CAMK1D: variants seen among roughly 807,000 people sequenced by gnomAD.
CAMK1D encodes the protein calcium/calmodulin-dependent protein kinase type 1D.
Under a neutral mutation model 47.7 loss-of-function variants are expected in CAMK1D, and 9 were observed. That is an observed-to-expected ratio of 0.19 (90% CI 0.11 to 0.33). The LOEUF (loss-of-function observed/expected upper bound fraction) is 0.33. Among genes scored for constraint, CAMK1D ranks in the 10% least tolerant of loss-of-function variants. The probability of loss-of-function intolerance (pLI) is 1.00; values close to 1 mark genes in which losing one functional copy is unlikely to be tolerated. For synonymous variants in CAMK1D, 184 were observed against 184.9 expected, an observed-to-expected ratio of 0.99 and a Z score of 0.04; for missense variants, 291 against 488.7, an observed-to-expected ratio of 0.60 and a Z score of 3.81.
intron 1 of CAMK1D, among the ~76,000 whole-genome samples, chr10:12,386,030 G>GC (rs1169895023): frequency 6.6e-6 from 1 of 152,196 alleles, no homozygotes; most frequent in African/African-American, 2.4e-5. Context: ...ACAGGCGTGA[G>GC]CCACTGTGTC....
chr10:12,826,494 C>T (rs1287393610), intron 10 of CAMK1D, among the ~76,000 whole-genome samples: 1 of 152,002 alleles, frequency 6.6e-6, no homozygotes, highest in Non-Finnish European at 1.5e-5. Context: ...ATTCCATCAT[C>T]GAAGGCACAC....
intron 3 of CAMK1D, among the ~76,000 whole-genome samples, chr10:12,694,693 T>C (rs1318167683): frequency 2.7e-5 from 4 of 149,730 alleles, no homozygotes; most frequent in Non-Finnish European, 5.9e-5. Flanking sequence ...ACTCCTAAAC[T>C]GCCATAGAGG....
intron 3 of CAMK1D, among the ~76,000 whole-genome samples, chr10:12,712,824 C>T (rs1402388134): frequency 6.6e-6 from 1 of 152,086 alleles, no homozygotes; most frequent in Non-Finnish European, 1.5e-5. Context: ...TATTATCTCC[C>T]CCGCCTACAC....
intron 1 of CAMK1D, among the ~76,000 whole-genome samples, chr10:12,470,818 T>G (rs1833723444): frequency 1.3e-5 from 2 of 152,086 alleles, no homozygotes; most frequent in Non-Finnish European, 2.9e-5. Context: ...TGCCCGGTCG[T>G]GTGTGGTTTT....
chr10:12,351,651 G>A (rs930527851), intron 1 of CAMK1D, among the ~76,000 whole-genome samples: 1 of 152,206 alleles, frequency 6.6e-6, no homozygotes, highest in African/African-American at 2.4e-5. Context: ...CTGCAGTGGC[G>A]GGGCTGCTGA....
chr10:12,403,375 T>A (rs551979780), intron 1 of CAMK1D, among the ~76,000 whole-genome samples: 28 of 152,262 alleles, frequency 1.8e-4, no homozygotes, highest in African/African-American at 6.7e-4. Context: ...CTTGGGTGAG[T>A]CCTCGCTCCG....
At chr10:12,377,028 T>C (rs1838204401) in intron 1 of CAMK1D, among the ~76,000 whole-genome samples, 1 of 152,180 alleles carries the variant, frequency 6.6e-6, no homozygotes, top group African/African-American at 2.4e-5. Context: ...CCCAAAGTGC[T>C]GGGATTACAG....
intron 6 of CAMK1D, among the ~76,000 whole-genome samples, chr10:12,797,993 G>A (rs1180527286): frequency 3.3e-5 from 5 of 152,146 alleles, no homozygotes; most frequent in African/African-American, 9.7e-5. Context: ...TAGATGGTGA[G>A]GGGAGCAACT....
At chr10:12,814,371 AC>A (rs1280413517) in intron 7 of CAMK1D, 64 bp downstream of exon 7, 1 of 1,031,074 alleles carries the variant, frequency 9.7e-7, no homozygotes, top group African/African-American at 1.6e-5. Context: ...AGACCACGTG[AC>A]CCTGACAGGC....
In CAMK1D at chr10:12,748,355, G is replaced by A. The variant is rs529352711; in HGVS notation, c.300-12593G>A. On this transcript the variant is annotated intron_variant, in intron 3 of 10. Transcript: ENST00000619168. ...GGGGAAAAATGCATGAAACTCATGCGGTTGCAGGCATGAGCCAGGGACTTG... is the reference window on the plus strand; with the variant it reads ...GGGGAAAAATGCATGAAACTCATGCAGTTGCAGGCATGAGCCAGGGACTTG... Among the ~76,000 whole-genome samples, 9 of 152,304 alleles carry A rather than the reference G, an allele frequency of 5.9e-5. No homozygotes were observed. In the East Asian group the frequency reaches 1.7e-3, roughly 29 times the overall value.
intron 1 of CAMK1D, among the ~76,000 whole-genome samples, chr10:12,505,075 A>G (rs959047446): frequency 6.6e-6 from 1 of 152,108 alleles, no homozygotes; most frequent in African/African-American, 2.4e-5. Context: ...AGTTCTTGGC[A>G]TTTTCCTCCC....
At chr10:12,603,376 C>T (rs953853875) in intron 2 of CAMK1D, among the ~76,000 whole-genome samples, 10 of 152,184 alleles carry the variant, frequency 6.6e-5, no homozygotes, top group African/African-American at 2.2e-4. Flanking sequence ...AGGTCAACCC[C>T]GCCTCCCACC....
chr10:12,719,932 G>A (rs1173118387), intron 3 of CAMK1D, among the ~76,000 whole-genome samples: 6 of 152,210 alleles, frequency 3.9e-5, no homozygotes, highest in Non-Finnish European at 8.8e-5. Context: ...GCACACAGAA[G>A]AATTACCTGA....
chr10:12,628,063 A>G (rs1032138123), intron 2 of CAMK1D, among the ~76,000 whole-genome samples: 2 of 151,608 alleles, frequency 1.3e-5, no homozygotes, highest in African/African-American at 4.8e-5. Context: ...CCTGGGCGAC[A>G]GAGCAAGACT....
chr10:12,702,807 C>T (rs1325062195), intron 3 of CAMK1D, among the ~76,000 whole-genome samples: 1 of 152,164 alleles, frequency 6.6e-6, no homozygotes, highest in East Asian at 1.9e-4. Flanking sequence ...ATGAGAGGGG[C>T]ACATTGTCCC....
chr10:12,718,545 A>G (rs891193147), intron 3 of CAMK1D, among the ~76,000 whole-genome samples: 1 of 152,224 alleles, frequency 6.6e-6, no homozygotes, highest in Non-Finnish European at 1.5e-5. Flanking sequence ...GGGGAAATAA[A>G]TGGACTTTTC....
At chr10:12,562,354 G>A (rs11257891) in intron 2 of CAMK1D, among the ~76,000 whole-genome samples, 38,678 of 152,072 alleles carry the variant, frequency 0.25, 5,060 homozygotes, top group Middle Eastern at 0.29. Flanking sequence ...TAGCACTGCT[G>A]CATTGAGGAT....
rs1554786375 is a variant in CAMK1D, at chr10:12,547,682, T to TCACACACACACACACACACACA, written c.93-5524_93-5523insACACACACACACACACACACAC. Among the ~76,000 whole-genome samples, 41 of 116,528 alleles carry TCACACACACACACACACACACA rather than the reference T, an allele frequency of 3.5e-4. No homozygotes were observed. The South Asian group carries it at 5.3e-3, about 15-fold the overall frequency. The allele number at this position is 116,528 out of a possible 152,430, so 76.4% of individuals were successfully genotyped here. ...CACTCTCTCTCTCTCTTTCTCTCTC[T>TCACACACACACACACACACACA]CACACACACACACACACACCACTGT... is the stretch of plus-strand genomic sequence containing the variant. On this transcript the variant is annotated intron_variant, in intron 1 of 10. Coordinates refer to ENST00000619168, the MANE Select transcript of CAMK1D (RefSeq NM_153498.4).
intron 2 of CAMK1D, chr10:12,653,138 G>T (rs2132516782): frequency 6.5e-6 from 1 of 154,488 alleles, no homozygotes; most frequent in South Asian, 2.0e-4. Flanking sequence ...CTGGGGGGCT[G>T]AGCGTGCTCA....
Sources: gnomAD v4.1 joint callset for allele counts (sites outside exome capture counted in the v4.1 genomes callset) on GRCh38, gnomAD v4.1.1 for gene constraint, MANE v1.5 for transcripts, NCBI Gene and HGNC (gene_info 2026-07-23, HGNC 2026-07-21) for gene names.